The following KAZN variants were observed in gnomAD, a reference collection of about 807,000 sequenced individuals.
KAZN encodes kazrin.
In KAZN, 40 loss-of-function variants were observed where a neutral mutation model predicts 87.4. That is an observed-to-expected ratio of 0.46 (90% CI 0.36 to 0.60). The LOEUF (loss-of-function observed/expected upper bound fraction) is 0.60. Ranked by LOEUF, KAZN falls within the 20% of genes least tolerant of loss-of-function variation. The pLI is 0.00. For missense variants in KAZN, 898 were observed against 1,073.9 expected, an observed-to-expected ratio of 0.84 and a Z score of 2.29; for synonymous variants, 466 against 458.3, an observed-to-expected ratio of 1.02 and a Z score of -0.22.
In KAZN at chr1:14,014,141, C is replaced by T. The variant is rs143406306; in HGVS notation, c.91+120385C>T. 3.1e-3 allele frequency among the ~76,000 whole-genome samples: 470 copies of T among 151,580 alleles called. 4 individuals are homozygous for T. Among genetic ancestry groups the T allele is most frequent in the African/African-American group, 0.011 (445 of 41,342 alleles). ...CCACCCACCATTGATGATTTTTTTTCGCTATACCACAATATATCAATAACA... is the reference window on the plus strand; with the variant it reads ...CCACCCACCATTGATGATTTTTTTTTGCTATACCACAATATATCAATAACA... On this transcript the variant is annotated intron_variant, in intron 1 of 16. Coordinates refer to the KAZN transcript ENST00000636203.
In KAZN at chr1:15,056,048, C is replaced by T; in HGVS notation, c.727-43C>T. The T allele has an allele frequency of 2.6e-6, 4 of 1,562,720 alleles. No homozygotes were observed. Among genetic ancestry groups the T allele is most frequent in the Non-Finnish European group, 3.5e-6 (4 of 1,143,388 alleles). ...TGCCAAGCAGCTGGCCAAGAGTTCC[C>T]CTTGATCATGACTTCTTCTTCCTGT... On this transcript the variant is annotated intron_variant, in intron 4 of 14. Transcript: ENST00000376030. The surrounding 1 kb of genome is among the most constrained non-coding windows in gnomAD (Gnocchi z 5.4).
intron 1 of KAZN, among the ~76,000 whole-genome samples, chr1:14,877,639 G>T (rs962590197): frequency 6.6e-6 from 1 of 152,154 alleles, no homozygotes; most frequent in Non-Finnish European, 1.5e-5. Flanking sequence ...TATTAGTTTG[G>T]TCACCTAGGA....
chr1:15,030,460 G>A (rs922670639), intron 2 of KAZN, among the ~76,000 whole-genome samples: 1 of 152,130 alleles, frequency 6.6e-6, no homozygotes, highest in African/African-American at 2.4e-5. Flanking sequence ...TAGAGACGGG[G>A]TTTCACATGT....
intron 1 of KAZN, among the ~76,000 whole-genome samples, chr1:14,095,160 T>C (rs1172269202): frequency 6.6e-6 from 1 of 152,144 alleles, no homozygotes; most frequent in East Asian, 1.9e-4. Context: ...CCGTGAACAA[T>C]GAAATAGTCT....
intron 1 of KAZN, among the ~76,000 whole-genome samples, chr1:14,838,640 A>T (rs540403097): frequency 2.0e-5 from 3 of 152,244 alleles, no homozygotes; most frequent in Admixed American, 6.5e-5. Flanking sequence ...GGGGAAGGGG[A>T]GACAGAGTCT....
chr1:13,897,408 A>G (rs914049083), intron 1 of KAZN, among the ~76,000 whole-genome samples: 1 of 152,150 alleles, frequency 6.6e-6, no homozygotes, highest in Non-Finnish European at 1.5e-5. Context: ...ATTTGCTGGT[A>G]CCCTTGATGC....
intron 2 of KAZN, among the ~76,000 whole-genome samples, chr1:14,310,691 G>A (rs377403706): frequency 7.2e-5 from 11 of 152,312 alleles, no homozygotes; most frequent in African/African-American, 2.6e-4. Flanking sequence ...TCTATGCAGA[G>A]CGTTTCGTCT....
chr1:14,723,426 G>C (rs926519), intron 1 of KAZN, among the ~76,000 whole-genome samples: 1 of 152,066 alleles, frequency 6.6e-6, no homozygotes, highest in South Asian at 2.1e-4. Context: ...AGCAATGAGT[G>C]GGACCTGGGG....
In KAZN at chr1:14,856,061, G is replaced by A. The variant is rs1350426336; in HGVS notation, c.227-104623G>A. 6.6e-6 allele frequency among the ~76,000 whole-genome samples: 1 copy of A among 152,208 alleles called. No individual in the cohort carries two copies. The highest frequency in any genetic ancestry group is 1.5e-5 in the Non-Finnish European group (1 of 68,028). On this transcript the variant is annotated intron_variant, in intron 1 of 14. Coordinates refer to ENST00000376030, the MANE Select transcript of KAZN (RefSeq NM_201628.3). The surrounding 1 kb of genome is among the most constrained non-coding windows in gnomAD (Gnocchi z 5.2). ...GGAATGTGACATTGGGATATGGCAGGTGAGTAATAACGTGATTTACATCCT... is the reference window on the plus strand; with the variant it reads ...GGAATGTGACATTGGGATATGGCAGATGAGTAATAACGTGATTTACATCCT...
rs1644968683 is a variant in KAZN at position 14,769,511 on chromosome 1, C to G, written c.226+170288C>G. Reference sequence around the variant, plus strand: ...CTGGGATTACAGGCGCCCACCACCACGCCCGGCTAATTTTGTATTTTTAGT... The same window carrying G: ...CTGGGATTACAGGCGCCCACCACCAGGCCCGGCTAATTTTGTATTTTTAGT... On this transcript the variant is annotated intron_variant, in intron 1 of 14. Coordinates refer to ENST00000376030, the MANE Select transcript of KAZN (RefSeq NM_201628.3). The surrounding 1 kb of genome is among the most constrained non-coding windows in gnomAD (Gnocchi z 4.1). Among the ~76,000 whole-genome samples, 1 of 152,092 alleles carries G rather than the reference C, an allele frequency of 6.6e-6. No individual in the cohort carries two copies. The highest frequency in any genetic ancestry group is 2.4e-5 in the African/African-American group (1 of 41,412).
chr1:14,126,089 A>T (rs1054132557), intron 1 of KAZN, among the ~76,000 whole-genome samples: 1 of 152,112 alleles, frequency 6.6e-6, no homozygotes, highest in Non-Finnish European at 1.5e-5. Context: ...CAGTGACATG[A>T]TCTGGTTTAT....
intron 1 of KAZN, among the ~76,000 whole-genome samples, chr1:14,928,511 T>A (rs1276674163): frequency 6.6e-6 from 1 of 152,112 alleles, no homozygotes; most frequent in Non-Finnish European, 1.5e-5. Context: ...TTCCTTTAAA[T>A]TTTTATCCTT....
At chr1:14,676,249 C>T (rs1270456830) in intron 1 of KAZN, among the ~76,000 whole-genome samples, 1 of 152,214 alleles carries the variant, frequency 6.6e-6, no homozygotes, top group Non-Finnish European at 1.5e-5. Context: ...CTTCCCCTGC[C>T]TGCAAGGCCA....
intron 2 of KAZN, among the ~76,000 whole-genome samples, chr1:14,220,748 G>C (rs1238590936): frequency 1.3e-5 from 2 of 152,194 alleles, no homozygotes; most frequent in East Asian, 3.9e-4. Flanking sequence ...TGCTTCTTCT[G>C]TGGAGGGAGG....
At chr1:14,075,749 C>A (rs1461810551) in intron 1 of KAZN, among the ~76,000 whole-genome samples, 1 of 152,132 alleles carries the variant, frequency 6.6e-6, no homozygotes, top group Non-Finnish European at 1.5e-5. Flanking sequence ...AACACTTGGG[C>A]TGAATAGTTC....
intron 1 of KAZN, among the ~76,000 whole-genome samples, chr1:13,960,397 T>C (rs1641705695): frequency 6.6e-6 from 1 of 152,194 alleles, no homozygotes; most frequent in Non-Finnish European, 1.5e-5. Flanking sequence ...CTATGGCTTT[T>C]ATAAGGACAT....
rs916795411 is a variant in KAZN at position 15,077,560 on chromosome 1, C to T, written c.1222+11807C>T. 6.6e-6 allele frequency among the ~76,000 whole-genome samples: 1 copy of T among 152,214 alleles called. No individual in the cohort carries two copies. The highest frequency in any genetic ancestry group is 6.5e-5 in the Admixed American group (1 of 15,282). On this transcript the variant is annotated intron_variant, in intron 8 of 14. Transcript: ENST00000376030. This position sits in a 1 kb window ranked among gnomAD's most constrained non-coding sequence, Gnocchi z 4.8. Reference sequence around the variant, plus strand: ...GGAATCCTGAGCTCCACCGCTCCTCCGCAAGGGCTACACAGGACCAGGTCA... The same window carrying T: ...GGAATCCTGAGCTCCACCGCTCCTCTGCAAGGGCTACACAGGACCAGGTCA...
chr1:14,385,674 G>GA (rs1157491843), intron 2 of KAZN, among the ~76,000 whole-genome samples: 3 of 151,962 alleles, frequency 2.0e-5, no homozygotes, highest in Admixed American at 2.0e-4. Context: ...TGTGGTCTGA[G>GA]AGATAGTTTG....
At chr1:14,302,833 C>T (rs1654646472) in intron 2 of KAZN, among the ~76,000 whole-genome samples, 1 of 152,194 alleles carries the variant, frequency 6.6e-6, no homozygotes, top group South Asian at 2.1e-4. Context: ...AGCCACCTCT[C>T]CCCTTGCCTT....
Sources: allele counts gnomAD v4.1 joint callset (sites outside exome capture counted in the v4.1 genomes callset), GRCh38; gene constraint gnomAD v4.1.1; non-coding constraint Gnocchi (gnomAD v3.1); transcripts MANE v1.5; gene names NCBI Gene and HGNC (gene_info 2026-07-23, HGNC 2026-07-21).